Variants in LAS1L observed in about 807,000 individuals in gnomAD.
The protein encoded by LAS1L is ribosomal biogenesis protein LAS1L.
A neutral mutation model predicts 57.3 loss-of-function variants in LAS1L; 5 were observed. That is an observed-to-expected ratio of 0.09 (90% CI 0.05 to 0.18). The LOEUF (loss-of-function observed/expected upper bound fraction) is 0.18. Among genes scored for constraint, LAS1L ranks in the 10% least tolerant of loss-of-function variants. The pLI, the probability that LAS1L is intolerant of heterozygous loss-of-function variation, is 1.00. For missense variants in LAS1L, 360 were observed against 568.3 expected (o/e 0.63, Z 3.73); for synonymous variants, 245 against 231.7 (o/e 1.06, Z -0.52).
rs1026704874 is a variant in LAS1L, at chrX:65,534,641, T to G, written c.75A>C (p.Gly25=). ...ACGACCCTTTCCCTTTAACGCACTT[T>G]CCGTACCACGCACTCCACACGAGAT... ...GMDLVWSAWY[G]KCVKGKGSLP... The change falls in exon 1 of 14, where the codon GGA becomes GGC. Residue 25 remains glycine (G), a synonymous_variant. Transcript: ENST00000374811. The G allele has an allele frequency of 8.4e-7, 1 of 1,194,705 alleles. No homozygotes were observed. Among genetic ancestry groups the G allele is most frequent in the Non-Finnish European group, 1.1e-6 (1 of 887,086 alleles).
rs1427419101 is a variant in LAS1L at position 65,519,074 on chromosome X, G to A, written c.1449-609C>T. On this transcript the variant is annotated intron_variant, in intron 11 of 13. Coordinates refer to ENST00000374811, the MANE Select transcript of LAS1L (RefSeq NM_031206.7). ...GGGAGGGAGGCCAGATGAGCACTGC[G>A]AACCTACTGCAGGCACTGCGGGGCT... is the stretch of plus-strand genomic sequence containing the variant. 1.8e-5 allele frequency: 7 copies of A among 399,261 alleles called. No homozygotes were observed. The South Asian group carries it at 6.5e-4, about 37-fold the overall frequency. The allele number at this position is 399,261 out of a possible 1,213,427, so 32.9% of individuals were successfully genotyped here.
chrX:65,519,930 G>C (rs1045471544), intron 11 of LAS1L, among the ~76,000 whole-genome samples: 2 of 111,870 alleles, frequency 1.8e-5, no homozygotes, highest in African/African-American at 3.3e-5. Flanking sequence ...GCTGGCTGGA[G>C]AAAGTGCTTG....
chrX:65,528,446 A>G (rs2069285655), intron 6 of LAS1L, 77 bp from the exon 7 acceptor site: 1 of 582,885 alleles, frequency 1.7e-6, no homozygotes, highest in African/African-American at 2.3e-5. Context: ...ATCCCTTCCC[A>G]TAGGACCTCT....
intron 12 of LAS1L, among the ~76,000 whole-genome samples, chrX:65,516,636 TACACACACACACACACACACACAC>T (rs57356313): frequency 1.5e-4 from 13 of 89,567 alleles, no homozygotes; most frequent in Admixed American, 2.6e-4. Context: ...CTTTTTCCTA[TACACACACACACACACACACACAC>T]ACACACACAC....
chrX:65,518,479 G>A lies in LAS1L; in HGVS notation c.1449-14C>T, dbSNP rs2068728470. On this transcript the variant is annotated splice_polypyrimidine_tract_variant and intron_variant, in intron 11 of 13. Transcript: ENST00000374811. The stretch of plus-strand genomic sequence containing the variant: ...GCTTTGAAGATGCTGAGCAAAGGGA[G>A]GGATGGGGTAGGAAAGATTCAAAAT... 1 of 1,179,940 alleles carries A rather than the reference G, an allele frequency of 8.5e-7. No individual in the cohort carries two copies. Among genetic ancestry groups the A allele is most frequent in the African/African-American group, 1.8e-5 (1 of 56,701 alleles).
At chrX:65,515,569 A>T (rs769754225) in intron 12 of LAS1L, among the ~76,000 whole-genome samples, 1 of 110,682 alleles carries the variant, frequency 9.0e-6, no homozygotes, top group Non-Finnish European at 1.9e-5. Flanking sequence ...ACTCCCTGAG[A>T]TAGTATGTTC....
intron 3 of LAS1L, among the ~76,000 whole-genome samples, 188 bp downstream of exon 3, chrX:65,532,373 C>T (rs1218364170): frequency 8.9e-6 from 1 of 112,780 alleles, no homozygotes; most frequent in Non-Finnish European, 1.9e-5. Flanking sequence ...TCTGAGATAC[C>T]AGTCATATGA....
At position 65,518,072 on chromosome X, in the gene LAS1L, C is replaced by T; in HGVS notation, c.1842G>A (p.Gly614=). The T allele has an allele frequency of 8.3e-7, 1 of 1,211,767 alleles. No homozygotes were observed. Among genetic ancestry groups the T allele is most frequent in the East Asian group, 3.0e-5 (1 of 33,851 alleles). Residue 614 remains glycine, a synonymous_variant, in exon 12 of 14, where the codon GGG becomes GGA. Transcript: ENST00000374811. ...DRMEVGPFST[G]QESPTAENAR... The stretch of plus-strand genomic sequence containing the variant: ...CATTCTCGGCAGTGGGGGACTCTTG[C>T]CCTGTAGAGAAAGGCCCCACCTCCA...
chrX:65,516,287 G>A (rs1222329162), intron 12 of LAS1L, among the ~76,000 whole-genome samples: 3 of 111,095 alleles, frequency 2.7e-5, no homozygotes, highest in East Asian at 2.8e-4. Flanking sequence ...AGACACCTTC[G>A]TGCACAGGGG....
chrX:65,533,751 C>A lies in LAS1L; in HGVS notation c.237-16G>T. 3 of 1,209,459 alleles carry A rather than the reference C, an allele frequency of 2.5e-6. No homozygotes were observed. Among genetic ancestry groups the A allele is most frequent in the Non-Finnish European group, 3.4e-6 (3 of 894,006 alleles). ...GTTGCCTGACCTAAAGGGTCACAGT[C>A]CAGCACCATCATAAAGAGCCCTTAC... On this transcript the variant is annotated splice_polypyrimidine_tract_variant and intron_variant, in intron 1 of 13. Transcript: ENST00000374811.
chrX:65,515,546 C>T (rs1403161728), intron 12 of LAS1L, among the ~76,000 whole-genome samples: 1 of 110,781 alleles, frequency 9.0e-6, no homozygotes, highest in Non-Finnish European at 1.9e-5. Flanking sequence ...CCCCCATGCC[C>T]AACTCAGGGT....
chrX:65,517,732 G>A (rs1243480592), intron 12 of LAS1L, among the ~76,000 whole-genome samples: 1 of 112,416 alleles, frequency 8.9e-6, no homozygotes, highest in Non-Finnish European at 1.9e-5. Context: ...ACTGCCCAGG[G>A]CTCACACCCA....
In LAS1L at chrX:65,517,970, G is replaced by A; in HGVS notation, c.1927+17C>T. On this transcript the variant is annotated intron_variant, in intron 12 of 13. Coordinates refer to ENST00000374811, the MANE Select transcript of LAS1L (RefSeq NM_031206.7). ...CAAAGAGAAAAGAAGTCCATGTGGG[G>A]ACAAAGTAGTTCTTACCTGAGCTAA... 8.5e-7 allele frequency: 1 copy of A among 1,170,831 alleles called. No homozygotes were observed.
intron 13 of LAS1L, among the ~76,000 whole-genome samples, chrX:65,513,858 CCT>C (rs758256309): frequency 8.9e-6 from 1 of 112,224 alleles, no homozygotes; most frequent in Non-Finnish European, 1.9e-5. Flanking sequence ...GGTAAGGGCA[CCT>C]CTCTCAGACA....
intron 2 of LAS1L, 24 bp downstream of exon 2, chrX:65,533,586 A>ACC: frequency 8.3e-7 from 1 of 1,204,158 alleles, no homozygotes; most frequent in East Asian, 3.0e-5. Context: ...GCCAACCTCC[A>ACC]CCCCTACCCC....
At chrX:65,521,274 C>T (rs2068838392) in intron 11 of LAS1L, 10 of 752,810 alleles carry the variant, frequency 1.3e-5, no homozygotes, top group Non-Finnish European at 1.6e-5. Context: ...GGTCAGCTCC[C>T]ACCAAGGACA....
intron 12 of LAS1L, among the ~76,000 whole-genome samples, chrX:65,515,789 C>T (rs1039186021): frequency 1.8e-5 from 2 of 111,601 alleles, no homozygotes; most frequent in African/African-American, 6.5e-5. Flanking sequence ...ATCTTCCTGT[C>T]CCTACCTCCC....
intron 11 of LAS1L, chrX:65,523,294 G>A: frequency 3.6e-6 from 1 of 277,796 alleles, no homozygotes; most frequent in East Asian, 5.4e-5. Context: ...CTTACTCTGT[G>A]CAGGCCACTG....
At chrX:65,514,306 C>T (rs1053660846) in intron 13 of LAS1L, among the ~76,000 whole-genome samples, 1 of 110,887 alleles carries the variant, frequency 9.0e-6, no homozygotes, top group Non-Finnish European at 1.9e-5. Flanking sequence ...CATGAAGCCC[C>T]GTGCAGGCCT....
Sources: allele counts gnomAD v4.1 joint callset (sites outside exome capture counted in the v4.1 genomes callset), GRCh38; gene constraint gnomAD v4.1.1; transcripts MANE v1.5; gene names NCBI Gene and HGNC (gene_info 2026-07-23, HGNC 2026-07-21).